Variants in PLP1 observed in about 807,000 individuals in gnomAD.
PLP1 encodes myelin proteolipid protein.
Under a neutral mutation model 18.5 loss-of-function variants are expected in PLP1, and 2 were observed. That is an observed-to-expected ratio of 0.11 (90% CI 0.04 to 0.34). PLP1 has a LOEUF of 0.34. Ranked by LOEUF, PLP1 falls within the 10% of genes least tolerant of loss-of-function variation. The pLI, the probability that PLP1 is intolerant of heterozygous loss-of-function variation, is 1.00. For synonymous variants in PLP1, 86 were observed against 83.2 expected, an observed-to-expected ratio of 1.03 and a Z score of -0.19; for missense variants, 105 against 207.3, an observed-to-expected ratio of 0.51 and a Z score of 3.03.
intron 6 of PLP1, 104 bp downstream of exon 6, chrX:103,789,502 C>A: frequency 3.0e-6 from 2 of 660,249 alleles, no homozygotes; most frequent in Non-Finnish European, 5.1e-6. Flanking sequence ...CCTTGAAATG[C>A]TGGAGGGAAG....
chrX:103,782,525 G>A (rs2074461628), intron 1 of PLP1, among the ~76,000 whole-genome samples: 1 of 111,831 alleles, frequency 8.9e-6, no homozygotes, highest in East Asian at 2.8e-4. Context: ...GATGATTGAG[G>A]GATCAGATAC....
At position 103,785,698 on chromosome X, in the gene PLP1, A is replaced by T. The variant is rs1005010589; in HGVS notation, c.121A>T (p.Thr41Ser). ...CTGTGGCTGTGGACATGAAGCCCTC[A>T]CTGGCACAGAAAAGCTAATTGAGAC... ...LFCGCGHEAL[T>S]GTEKLIETYF... Residue 41 changes from threonine to serine, a missense_variant, in exon 2 of 7, where the codon ACT becomes TCT. By Grantham distance (58) the Thr-to-Ser change is moderately conservative (BLOSUM62 1). Transcript: ENST00000621218. 2 of 1,210,075 alleles carry T rather than the reference A, an allele frequency of 1.7e-6. No individual in the cohort carries two copies. Among genetic ancestry groups the T allele is most frequent in the African/African-American group, 3.5e-5 (2 of 57,695 alleles).
At chrX:103,784,086 C>T (rs951753133) in intron 1 of PLP1, among the ~76,000 whole-genome samples, 11 of 112,064 alleles carry the variant, frequency 9.8e-5, no homozygotes, top group Non-Finnish European at 2.1e-4. Context: ...ATCTACTTGG[C>T]ATTTGCTAAG....
chrX:103,790,649 C>G lies in PLP1; in HGVS notation c.*51C>G. On this transcript the variant is annotated 3_prime_UTR_variant, in exon 7 of 7. Coordinates refer to ENST00000621218, the MANE Select transcript of PLP1 (RefSeq NM_000533.5). ...TAATAGCGAGGCTCTAACCACACAGCCTACAATGCTGCGTCTCCCATCTTA... is the reference window on the plus strand; with the variant it reads ...TAATAGCGAGGCTCTAACCACACAGGCTACAATGCTGCGTCTCCCATCTTA... 1.1e-6 allele frequency: 1 copy of G among 909,845 alleles called. No individual in the cohort carries two copies. Among genetic ancestry groups the G allele is most frequent in the Non-Finnish European group, 1.6e-6 (1 of 619,805 alleles). The allele number at this position is 909,845 out of a possible 1,213,427, so 75.0% of individuals were successfully genotyped here.
At chrX:103,786,064 G>C (rs1319676485) in intron 2 of PLP1, 1 of 1,046,439 alleles carries the variant, frequency 9.6e-7, no homozygotes, top group African/African-American at 1.9e-5. Flanking sequence ...CTCCAGCGTA[G>C]TAGGTATGGA....
chrX:103,776,765 G>A (rs2147752398), upstream of PLP1: 1 of 299,659 alleles, frequency 3.3e-6, no homozygotes, highest in Non-Finnish European at 5.5e-6. Flanking sequence ...GGGAAAAGGG[G>A]AGGAGAAGGG....
Position 103,790,906 on chromosome X carries a change from C to A in PLP1, c.*308C>A, listed in dbSNP as rs957533920. On this transcript the variant is annotated 3_prime_UTR_variant, in exon 7 of 7. Transcript: ENST00000621218. The stretch of plus-strand genomic sequence containing the variant: ...CTCTAATTGAATTTTCAAGCATCTC[C>A]TGAGGATCAGAAAGTAATTTCTTCT... 9.2e-6 allele frequency: 3 copies of A among 325,709 alleles called. No individual in the cohort carries two copies. 26.8% of individuals were successfully genotyped at this position (325,709 alleles called of 1,213,427 possible). A position where few individuals can be genotyped will look rare whatever the true frequency, so the allele number is the denominator to read the frequency against.
Position 103,791,084 on chromosome X carries a change from G to A in PLP1, c.*486G>A, listed in dbSNP as rs41310685. The A allele has an allele frequency of 4.2e-4, 50 of 119,750 alleles. No homozygotes were observed. Among genetic ancestry groups the A allele is most frequent in the Non-Finnish European group, 7.6e-4 (44 of 57,623 alleles). The allele number at this position is 119,750 out of a possible 1,213,427, so 9.9% of individuals were successfully genotyped here. A position where few individuals can be genotyped will look rare whatever the true frequency, so the allele number is the denominator to read the frequency against. Reference sequence around the variant, plus strand: ...TCATTCTGGTCTCTCTATTACCACTGAAGATAGAAGAAAAAAGAATGTCAG... The same window carrying A: ...TCATTCTGGTCTCTCTATTACCACTAAAGATAGAAGAAAAAAGAATGTCAG... On this transcript the variant is annotated 3_prime_UTR_variant, in exon 7 of 7. Coordinates refer to ENST00000621218, the MANE Select transcript of PLP1 (RefSeq NM_000533.5).
At chrX:103,780,707 G>T (rs1242452307) in intron 1 of PLP1, 1 of 112,195 alleles carries the variant, frequency 8.9e-6, no homozygotes, top group Non-Finnish European at 1.9e-5. Context: ...GGAAAGACAA[G>T]ATTATAGGCA....
chrX:103,779,581 T>A (rs1396819405), intron 1 of PLP1, among the ~76,000 whole-genome samples: 1 of 111,927 alleles, frequency 8.9e-6, no homozygotes, highest in Non-Finnish European at 1.9e-5. Flanking sequence ...CCTTTGGCCG[T>A]GCAGAGCCAG....
rs2233696 is a variant in PLP1, at chrX:103,785,471, T to C, written c.5-111T>C. The C allele has an allele frequency of 0.45, 290,403 of 645,540 alleles. 47,332 individuals carry two copies. The highest frequency in any genetic ancestry group is 0.63 in the African/African-American group (28,537 of 45,540). The allele number at this position is 645,540 out of a possible 1,213,427, so 53.2% of individuals were successfully genotyped here. On this transcript the variant is annotated intron_variant, in intron 1 of 6. Coordinates refer to ENST00000621218, the MANE Select transcript of PLP1 (RefSeq NM_000533.5). ...CTCTAGCCGCTCCTGCTTTTTGACT[T>C]CGGAGTGCCCACTATCTCCGAGCCT... is the stretch of plus-strand genomic sequence containing the variant.
At chrX:103,778,784 T>G (rs897420432) in intron 1 of PLP1, among the ~76,000 whole-genome samples, 3 of 112,011 alleles carry the variant, frequency 2.7e-5, no homozygotes, top group African/African-American at 9.7e-5. Context: ...TACTTTGAAT[T>G]ATAGATCATC....
At chrX:103,789,158 G>T in intron 5 of PLP1, 175 bp from the exon 6 acceptor site, 2 of 500,562 alleles carry the variant, frequency 4.0e-6, no homozygotes, top group Non-Finnish European at 7.2e-6. Context: ...CAGGTGCTAT[G>T]GTGTACACTG....
intron 1 of PLP1, among the ~76,000 whole-genome samples, chrX:103,778,039 T>C (rs891621519): frequency 8.9e-6 from 1 of 112,010 alleles, no homozygotes; most frequent in Admixed American, 9.4e-5. Flanking sequence ...GAGAACACTT[T>C]GAAGCATGTG....
At chrX:103,786,810 C>T (rs2074501696) in intron 3 of PLP1, 84 bp downstream of exon 3, 2 of 1,015,100 alleles carry the variant, frequency 2.0e-6, no homozygotes, top group Non-Finnish European at 2.8e-6. Flanking sequence ...CCACCCAAGG[C>T]TGGGTCCTCT....
chrX:103,782,529 C>G (rs897238585), intron 1 of PLP1, among the ~76,000 whole-genome samples: 2 of 112,023 alleles, frequency 1.8e-5, no homozygotes, highest in Non-Finnish European at 3.8e-5. Flanking sequence ...ATTGAGGGAT[C>G]AGATACACTC....
chrX:103,778,227 A>C (rs1467478049), intron 1 of PLP1, among the ~76,000 whole-genome samples: 1 of 112,655 alleles, frequency 8.9e-6, no homozygotes, highest in Non-Finnish European at 1.9e-5. Flanking sequence ...GTGAGAATCA[A>C]GTAACAATAA....
chrX:103,780,948 C>T (rs2074448308), intron 1 of PLP1: 1 of 142,322 alleles, frequency 7.0e-6, no homozygotes, highest in African/African-American at 3.1e-5. Flanking sequence ...GAGGGTAAGA[C>T]TGTAGTGCAG....
intron 1 of PLP1, among the ~76,000 whole-genome samples, chrX:103,784,491 C>T (rs2074478563): frequency 9.0e-6 from 1 of 111,616 alleles, no homozygotes; most frequent in Non-Finnish European, 1.9e-5. Flanking sequence ...TCCTATTTTC[C>T]AATTTTCATT....
Sources: gnomAD v4.1 joint callset for allele counts (sites outside exome capture counted in the v4.1 genomes callset) on GRCh38, gnomAD v4.1.1 for gene constraint, MANE v1.5 for transcripts, NCBI Gene and HGNC (gene_info 2026-07-23, HGNC 2026-07-21) for gene names.